Variants in DCC observed in about 807,000 individuals in gnomAD.
DCC encodes the protein DCC netrin 1 receptor, also known as netrin receptor DCC.
Under a neutral mutation model 172.5 loss-of-function variants are expected in DCC, and 58 were observed. The observed-to-expected ratio is 0.34, with a 90% CI of 0.27 to 0.42. The LOEUF is 0.42. DCC is among the 10% of genes least tolerant of loss of function. DCC has a pLI of 1.00. For missense variants in DCC, 1,740 were observed against 1,791.0 expected (o/e 0.97, Z 0.51); for synonymous variants, 709 against 644.5 (o/e 1.10, Z -1.52).
At chr18:53,174,374 A>C (rs1418296988) in intron 8 of DCC, among the ~76,000 whole-genome samples, 1 of 151,706 alleles carries the variant, frequency 6.6e-6, no homozygotes, top group East Asian at 1.9e-4. Flanking sequence ...CCCTTCAAAA[A>C]ATTAATCCAG....
chr18:53,241,403 C>A (rs75524774), intron 12 of DCC, among the ~76,000 whole-genome samples: 1 of 152,148 alleles, frequency 6.6e-6, no homozygotes, highest in Non-Finnish European at 1.5e-5. Flanking sequence ...CTTTCCCCCA[C>A]GGAGCAGCAC....
chr18:53,072,721 T>C (rs2042672286), intron 7 of DCC, among the ~76,000 whole-genome samples: 1 of 152,206 alleles, frequency 6.6e-6, no homozygotes, highest in Non-Finnish European at 1.5e-5. Context: ...AATGCTATTA[T>C]AGATATTTCC....
At chr18:53,122,813 G>A (rs942242690) in intron 7 of DCC, among the ~76,000 whole-genome samples, 11 of 151,978 alleles carry the variant, frequency 7.2e-5, no homozygotes, top group African/African-American at 2.7e-4. Context: ...CCTATTTTGG[G>A]TATTTCCCAT....
At chr18:52,606,986 A>AATG (rs1250155673) in intron 1 of DCC, among the ~76,000 whole-genome samples, 2 of 152,126 alleles carry the variant, frequency 1.3e-5, no homozygotes, top group Non-Finnish European at 2.9e-5. Flanking sequence ...CTTTGTATGA[A>AATG]TCTATACATT....
intron 1 of DCC, among the ~76,000 whole-genome samples, chr18:52,706,788 A>T (rs999898739): frequency 6.6e-6 from 1 of 152,230 alleles, no homozygotes; most frequent in South Asian, 2.1e-4. Flanking sequence ...CTCACACTCT[A>T]CTACTTCACC....
intron 8 of DCC, among the ~76,000 whole-genome samples, chr18:53,166,789 T>C (rs1399030053): frequency 6.6e-6 from 1 of 152,156 alleles, no homozygotes; most frequent in African/African-American, 2.4e-5. Context: ...AAAGAGACAT[T>C]TCCAGTCTTC....
At chr18:52,392,655 A>G (rs988289207) in intron 1 of DCC, among the ~76,000 whole-genome samples, 2 of 151,910 alleles carry the variant, frequency 1.3e-5, no homozygotes, top group African/African-American at 2.4e-5. Flanking sequence ...ACTTGTTGCA[A>G]TACTCCTGCT....
chr18:53,361,513 G>T (rs2057946936), intron 15 of DCC, among the ~76,000 whole-genome samples: 1 of 152,150 alleles, frequency 6.6e-6, no homozygotes. Context: ...GATCACATTA[G>T]AAGACTCTAG....
intron 7 of DCC, among the ~76,000 whole-genome samples, chr18:53,122,239 C>T (rs1364563125): frequency 6.6e-6 from 1 of 151,894 alleles, no homozygotes; most frequent in Non-Finnish European, 1.5e-5. Flanking sequence ...TTGTGATGCT[C>T]AGTGCTAATT....
intron 7 of DCC, among the ~76,000 whole-genome samples, chr18:53,154,742 G>T (rs2054701091): frequency 6.6e-6 from 1 of 152,094 alleles, no homozygotes. Context: ...ATGGGCTTCG[G>T]GTTTCCAGGC....
At chr18:52,970,049 T>A (rs946545086) in intron 5 of DCC, among the ~76,000 whole-genome samples, 11 of 152,120 alleles carry the variant, frequency 7.2e-5, no homozygotes, top group Admixed American at 2.6e-4. Context: ...TAATAAAGAA[T>A]TATGATTTTA....
chr18:53,356,523 G>T (rs1430962926), intron 15 of DCC, among the ~76,000 whole-genome samples: 1 of 152,044 alleles, frequency 6.6e-6, no homozygotes, highest in Non-Finnish European at 1.5e-5. Context: ...TAGAGTACTG[G>T]GGATAGTTTG....
chr18:52,987,038 C>A (rs1599001435), intron 5 of DCC, among the ~76,000 whole-genome samples: 1 of 152,068 alleles, frequency 6.6e-6, no homozygotes, highest in South Asian at 2.1e-4. Context: ...GCCAGGCTGG[C>A]CTTGAACTCC....
intron 5 of DCC, among the ~76,000 whole-genome samples, chr18:52,981,341 A>T (rs1004893440): frequency 6.6e-6 from 1 of 152,070 alleles, no homozygotes; most frequent in African/African-American, 2.4e-5. Context: ...TTTCTTTTTC[A>T]TACATGTGTT....
chr18:53,212,299 T>C (rs1457408100), intron 11 of DCC, among the ~76,000 whole-genome samples: 3 of 152,176 alleles, frequency 2.0e-5, no homozygotes, highest in Non-Finnish European at 4.4e-5. Context: ...TTATTTGACA[T>C]TTTGAAGAGA....
chr18:52,679,706 A>C (rs1202650612), intron 1 of DCC, among the ~76,000 whole-genome samples: 3 of 152,138 alleles, frequency 2.0e-5, no homozygotes, highest in Admixed American at 6.6e-5. Flanking sequence ...GTTTCAGTTT[A>C]ATCATTGCTG....
chr18:53,229,589 T>G (rs1267997435), intron 12 of DCC, among the ~76,000 whole-genome samples: 2 of 152,066 alleles, frequency 1.3e-5, no homozygotes, highest in African/African-American at 2.4e-5. Context: ...GAAATTGGCC[T>G]TCTTCGGTGT....
At chr18:52,397,123 T>A (rs972989316) in intron 1 of DCC, among the ~76,000 whole-genome samples, 5 of 152,062 alleles carry the variant, frequency 3.3e-5, no homozygotes. Flanking sequence ...TTTTCTTTTA[T>A]AAATGTTTAT....
chr18:53,048,608 A>C (rs2042292243), intron 5 of DCC, among the ~76,000 whole-genome samples: 1 of 150,768 alleles, frequency 6.6e-6, no homozygotes, highest in South Asian at 2.1e-4. Context: ...TACATGTATA[A>C]AAAATGTGAT....
Sources: gnomAD v4.1 joint callset for allele counts (sites outside exome capture counted in the v4.1 genomes callset) on GRCh38, gnomAD v4.1.1 for gene constraint, MANE v1.5 for transcripts, NCBI Gene and HGNC (gene_info 2026-07-23, HGNC 2026-07-21) for gene names.